SUB1: variants seen among roughly 807,000 people sequenced by gnomAD.
SUB1 encodes the protein activated RNA polymerase II transcriptional coactivator p15.
SUB1 carries 1 observed loss-of-function variant against 16.9 expected under a neutral mutation model. That is an observed-to-expected ratio of 0.06 (90% CI 0.02 to 0.28). SUB1 has a LOEUF of 0.28. Ranked by LOEUF, SUB1 falls within the 10% of genes least tolerant of loss-of-function variation. The probability of loss-of-function intolerance (pLI) is 1.00; values close to 1 mark genes in which losing one functional copy is unlikely to be tolerated. For missense variants in SUB1, 84 were observed against 145.2 expected (o/e 0.58, Z 2.16); for synonymous variants, 51 against 46.9 (o/e 1.09, Z -0.36).
At chr5:32,600,479 T>C (rs1739087876) in intron 4 of SUB1, among the ~76,000 whole-genome samples, 1 of 152,256 alleles carries the variant, frequency 6.6e-6, no homozygotes, top group Non-Finnish European at 1.5e-5. Flanking sequence ...ATAGGTACTA[T>C]GCAGGATGCA....
In SUB1 at chr5:32,603,407, GT is replaced by G. The variant is rs1195727679; in HGVS notation, c.*2324del. On this transcript the variant is annotated 3_prime_UTR_variant, in exon 5 of 5. Transcript: ENST00000265073. Reference sequence around the variant, plus strand: ...CAATGCCAAAATGAATTTAATTCCAGTACTCAGGTTTTTCCCTTTAACAGAC... The same window carrying G: ...CAATGCCAAAATGAATTTAATTCCAGACTCAGGTTTTTCCCTTTAACAGAC... 6.6e-6 allele frequency: 1 copy of G among 152,032 alleles called. No individual in the cohort carries two copies. The highest frequency in any genetic ancestry group is 2.4e-5 in the African/African-American group (1 of 41,402). 9.4% of individuals were successfully genotyped at this position (152,032 alleles called of 1,614,324 possible).
At position 32,591,628 on chromosome 5, in the gene SUB1, G is replaced by A. The variant is rs745543745; in HGVS notation, c.138G>A (p.Ser46=). The change falls in exon 3 of 5, where the codon TCG becomes TCA. Residue 46 remains serine (S), a synonymous_variant. Coordinates refer to ENST00000265073, the MANE Select transcript of SUB1 (RefSeq NM_006713.4). ...PVKKQKTGET[S]RALSSSKQSS... is the part of the protein sequence containing the mutation. ...AGAAACAAAAGACAGGTGAGACTTC[G>A]AGAGCCCTGTCATCTTCTAAACAGA... The A allele has an allele frequency of 5.0e-6, 8 of 1,609,836 alleles. No homozygotes were observed. Among genetic ancestry groups the A allele is most frequent in the South Asian group, 1.1e-5 (1 of 90,182 alleles).
chr5:32,595,002 ATT>A (rs1738922795), intron 3 of SUB1: 2 of 153,050 alleles, frequency 1.3e-5, no homozygotes, highest in Non-Finnish European at 2.9e-5. Flanking sequence ...TATAAAATAT[ATT>A]GTCATCTGAT....
intron 4 of SUB1, 115 bp downstream of exon 4, chr5:32,599,184 T>C: frequency 5.7e-6 from 4 of 701,066 alleles, no homozygotes; most frequent in East Asian, 5.6e-5. Flanking sequence ...TCTTACTCAA[T>C]TGATTCTCTA....
chr5:32,597,570 ATATT>A (rs1419254922), intron 3 of SUB1: 1 of 152,126 alleles, frequency 6.6e-6, no homozygotes, highest in Non-Finnish European at 1.5e-5. Flanking sequence ...TTTGGGATAT[ATATT>A]CAGAAGTAGG....
At chr5:32,600,205 A>G (rs1271555201) in intron 4 of SUB1, among the ~76,000 whole-genome samples, 1 of 152,214 alleles carries the variant, frequency 6.6e-6, no homozygotes, top group East Asian at 1.9e-4. Context: ...GTGACCCTAG[A>G]GTGCAGTTAC....
chr5:32,586,291 C>T (rs938729685), intron 1 of SUB1: 4 of 152,234 alleles, frequency 2.6e-5, no homozygotes, highest in African/African-American at 4.8e-5. Flanking sequence ...TTGTCACCTT[C>T]CTGTTATACC....
At chr5:32,593,388 C>G (rs1738879064) in intron 3 of SUB1, among the ~76,000 whole-genome samples, 1 of 151,994 alleles carries the variant, frequency 6.6e-6, no homozygotes, top group African/African-American at 2.4e-5. Flanking sequence ...AGGTGGAGTG[C>G]CAAGATTAAG....
intron 3 of SUB1, chr5:32,594,718 G>T (rs981452054): frequency 1.6e-5 from 6 of 371,600 alleles, no homozygotes; most frequent in Non-Finnish European, 2.8e-5. Flanking sequence ...TGTGAACTGC[G>T]CATGCAAGGG....
intron 1 of SUB1, among the ~76,000 whole-genome samples, chr5:32,587,041 AAT>A (rs925270718): frequency 6.6e-6 from 1 of 152,198 alleles, no homozygotes; most frequent in African/African-American, 2.4e-5. Flanking sequence ...GTATTAAACA[AAT>A]ACAGTGTGTG....
At chr5:32,589,445 T>G (rs565149024) in intron 2 of SUB1, among the ~76,000 whole-genome samples, 6 of 152,194 alleles carry the variant, frequency 3.9e-5, no homozygotes, top group Non-Finnish European at 8.8e-5. Context: ...CACATAAGGT[T>G]TTCTGAATTT....
intron 3 of SUB1, chr5:32,596,496 T>C (rs1022572241): frequency 6.6e-6 from 1 of 152,216 alleles, no homozygotes; most frequent in Non-Finnish European, 1.5e-5. Flanking sequence ...GCCAGTGTTT[T>C]TTCCTAGAAG....
chr5:32,586,065 C>G (rs1195239919), intron 1 of SUB1: 2 of 152,270 alleles, frequency 1.3e-5, no homozygotes, highest in African/African-American at 4.8e-5. Context: ...GGGAGGGGGC[C>G]GGGGGAAGAA....
In SUB1 at chr5:32,603,956, A is replaced by G. The variant is rs1298451488; in HGVS notation, c.*2872A>G. ...AGGGTGAACATTCACATAATCACAA[A>G]TATGTAATTCTGTAATTGTGGAATG... On this transcript the variant is annotated 3_prime_UTR_variant, in exon 5 of 5. Transcript: ENST00000265073. The G allele has an allele frequency of 6.6e-6, 1 of 152,116 alleles. No individual in the cohort carries two copies. The highest frequency in any genetic ancestry group is 1.5e-5 in the Non-Finnish European group (1 of 68,006). The allele number at this position is 152,116 out of a possible 1,614,324, so 9.4% of individuals were successfully genotyped here.
intron 3 of SUB1, among the ~76,000 whole-genome samples, chr5:32,593,724 C>T (rs537767933): frequency 4.0e-5 from 6 of 151,448 alleles, no homozygotes; most frequent in South Asian, 2.1e-4. Context: ...GACGGAGTCT[C>T]GCTCTGTCAC....
At position 32,591,013 on chromosome 5, in the gene SUB1, C is replaced by T. The variant is rs138604525; in HGVS notation, c.73-550C>T. Among the ~76,000 whole-genome samples, 627 of 152,030 alleles carry T rather than the reference C, an allele frequency of 4.1e-3. 2 individuals are homozygous for T. Among genetic ancestry groups the T allele is most frequent in the South Asian group, 0.013 (62 of 4,798 alleles). On this transcript the variant is annotated intron_variant, in intron 2 of 4. Transcript: ENST00000265073. ...CGAACTCCTGACCTCAAGTGATCCT[C>T]CCGCCTCGGACTCCCAAAGTGCTGG...
intron 4 of SUB1, among the ~76,000 whole-genome samples, chr5:32,599,801 C>T (rs547664438): frequency 2.8e-4 from 43 of 152,012 alleles, no homozygotes; most frequent in African/African-American, 9.6e-4. Flanking sequence ...CCAGAGTGGC[C>T]GATGCCATAT....
chr5:32,588,990 CAG>C (rs769263700), intron 2 of SUB1, among the ~76,000 whole-genome samples: 7 of 152,094 alleles, frequency 4.6e-5, no homozygotes, highest in Non-Finnish European at 8.8e-5. Context: ...CCTAAAGTTG[CAG>C]AAACACTGCC....
At chr5:32,597,378 T>C (rs1392609981) in intron 3 of SUB1, 1 of 152,162 alleles carries the variant, frequency 6.6e-6, no homozygotes, top group Non-Finnish European at 1.5e-5. Context: ...TGTAACAGGA[T>C]TTCCTTTTTT....
Sources: allele counts gnomAD v4.1 joint callset (sites outside exome capture counted in the v4.1 genomes callset), GRCh38; gene constraint gnomAD v4.1.1; transcripts MANE v1.5; gene names NCBI Gene and HGNC (gene_info 2026-07-23, HGNC 2026-07-21).